Variants in ZBBX observed in about 807,000 individuals in gnomAD.
The protein encoded by ZBBX is zinc finger B-box domain-containing protein 1.
A neutral mutation model predicts 108.5 loss-of-function variants in ZBBX; 101 were observed. The observed-to-expected ratio is 0.93, with a 90% CI of 0.79 to 1.10. The LOEUF is 1.10. ZBBX is among the 50% of genes least tolerant of loss of function. The pLI is 0.00. For missense variants in ZBBX, 1,009 were observed against 941.4 expected, an observed-to-expected ratio of 1.07 and a Z score of -0.94; for synonymous variants, 356 against 323.4, an observed-to-expected ratio of 1.10 and a Z score of -1.08.
chr3:167,315,609 T>C, intron 15 of ZBBX, 141 bp downstream of exon 15: 1 of 604,142 alleles, frequency 1.7e-6, no homozygotes, highest in Admixed American at 3.0e-5. Flanking sequence ...TATTTAAGCA[T>C]GGGTTAAGTA....
intron 16 of ZBBX, among the ~76,000 whole-genome samples, chr3:167,310,963 C>T (rs972755110): frequency 6.6e-6 from 1 of 152,078 alleles, no homozygotes; most frequent in Non-Finnish European, 1.5e-5. Flanking sequence ...AAAATCCCCG[C>T]CTTTTTATAG....
chr3:167,228,173 A>C, the ZBBX span, among the ~76,000 whole-genome samples: 2 of 151,846 alleles, frequency 1.3e-5, no homozygotes. Flanking sequence ...AGTGGATAAA[A>C]AGAGGTTGTA....
chr3:167,212,581 G>A, the ZBBX span, among the ~76,000 whole-genome samples: 2 of 152,258 alleles, frequency 1.3e-5, no homozygotes, highest in South Asian at 4.1e-4. Context: ...AGGAACCCCT[G>A]GCGTGGACCC....
Position 167,256,988 on chromosome 3 carries a change from C to A in ZBBX, c.2255-14345G>T, listed in dbSNP as rs572483122. 2.0e-5 allele frequency among the ~76,000 whole-genome samples: 3 copies of A among 152,224 alleles called. No homozygotes were observed. The East Asian group carries it at 5.8e-4, about 29-fold the overall frequency. Reference sequence around the variant, plus strand: ...ATTTCCTTTCTTTTGGGTATACACCCAGCAGTGGGATTAATGGGTCGTATT... The same window carrying A: ...ATTTCCTTTCTTTTGGGTATACACCAAGCAGTGGGATTAATGGGTCGTATT... On this transcript the variant is annotated intron_variant, in intron 20 of 21. Coordinates refer to ENST00000675490, the MANE Select transcript of ZBBX (RefSeq NM_001199201.2).
chr3:167,188,189 A>G, the ZBBX span, among the ~76,000 whole-genome samples: 2,009 of 152,320 alleles, frequency 0.013, 53 homozygotes, highest in African/African-American at 0.046. Flanking sequence ...TTTTTAACAT[A>G]GTATTGGTGT....
intron 8 of ZBBX, among the ~76,000 whole-genome samples, chr3:167,357,681 A>G (rs73030675): frequency 0.012 from 1,838 of 152,332 alleles, 45 homozygotes; most frequent in African/African-American, 0.042. Context: ...GCCTTAAAAA[A>G]TAAAGAAATT....
intron 2 of ZBBX, among the ~76,000 whole-genome samples, chr3:167,378,916 C>A (rs183335961): frequency 6.6e-6 from 1 of 152,050 alleles, no homozygotes; most frequent in Admixed American, 6.6e-5. Context: ...TTGTATGTTA[C>A]CTTGTGTTAT....
intron 20 of ZBBX, among the ~76,000 whole-genome samples, chr3:167,258,378 A>G (rs1293682609): frequency 6.6e-6 from 1 of 152,138 alleles, no homozygotes; most frequent in East Asian, 1.9e-4. Flanking sequence ...GTATAAGGTG[A>G]GAAATGAGGA....
intron 17 of ZBBX, 23 bp downstream of exon 17, chr3:167,305,620 T>C (rs753838511): frequency 2.4e-5 from 34 of 1,445,424 alleles, no homozygotes; most frequent in African/African-American, 2.9e-5. Flanking sequence ...AATTTTAATA[T>C]AATAAACATA....
chr3:167,279,931 A>G (rs1323873479), intron 20 of ZBBX, among the ~76,000 whole-genome samples: 20 of 152,042 alleles, frequency 1.3e-4, no homozygotes. Context: ...CAGAGCCCTC[A>G]GAAATAACGC....
upstream of ZBBX, among the ~76,000 whole-genome samples, chr3:167,384,724 T>A (rs1215334757): frequency 2.6e-5 from 4 of 152,074 alleles, no homozygotes; most frequent in South Asian, 2.1e-4. Context: ...AAAACCCATA[T>A]GTGACCTTCT....
At chr3:167,356,834 C>A (rs1743658135) in intron 8 of ZBBX, among the ~76,000 whole-genome samples, 2 of 152,100 alleles carry the variant, frequency 1.3e-5, no homozygotes, top group South Asian at 2.1e-4. Context: ...ATTACATAGA[C>A]AAATGAACTA....
intron 17 of ZBBX, among the ~76,000 whole-genome samples, chr3:167,299,430 G>T (rs1446668135): frequency 6.6e-6 from 1 of 151,958 alleles, no homozygotes. Context: ...AACAATTACA[G>T]AATTCTTTCC....
chr3:167,284,182 A>ATATC (rs1157317172), intron 19 of ZBBX, among the ~76,000 whole-genome samples: 16 of 111,690 alleles, frequency 1.4e-4, no homozygotes, highest in African/African-American at 7.1e-4. Flanking sequence ...TTAAAAACAT[A>ATATC]TATCTATATC....
At chr3:167,395,313 CAGTT>C (rs1748197331) in intron 1 of ZBBX, among the ~76,000 whole-genome samples, 1 of 151,872 alleles carries the variant, frequency 6.6e-6, no homozygotes, top group Admixed American at 6.6e-5. Context: ...TTATAAATAA[CAGTT>C]ATAGGTTCTG....
the ZBBX span, among the ~76,000 whole-genome samples, chr3:167,204,459 T>C: frequency 6.8e-5 from 10 of 147,012 alleles, no homozygotes; most frequent in Middle Eastern, 6.8e-3. Context: ...ATCTCATTGT[T>C]CAATTCCCAC....
chr3:167,227,252 C>T, the ZBBX span, among the ~76,000 whole-genome samples: 7 of 151,716 alleles, frequency 4.6e-5, no homozygotes, highest in Admixed American at 1.3e-4. Flanking sequence ...AGGAATGAAT[C>T]CAAGTCCTAG....
At chr3:167,406,287 T>A (rs1486246371) in intron 1 of ZBBX, among the ~76,000 whole-genome samples, 1 of 152,196 alleles carries the variant, frequency 6.6e-6, no homozygotes. Flanking sequence ...CTACTTATAT[T>A]TTTCACCACA....
chr3:167,231,519 C>T, the ZBBX span, among the ~76,000 whole-genome samples: 3 of 151,540 alleles, frequency 2.0e-5, no homozygotes, highest in African/African-American at 7.3e-5. Flanking sequence ...GAACAAGAGC[C>T]TAATTTGAAT....
Sources: gnomAD v4.1 joint callset for allele counts (sites outside exome capture counted in the v4.1 genomes callset) on GRCh38, gnomAD v4.1.1 for gene constraint, MANE v1.5 for transcripts, NCBI Gene and HGNC (gene_info 2026-07-23, HGNC 2026-07-21) for gene names.